The following PDS5A variants were observed in gnomAD, a reference collection of about 807,000 sequenced individuals.
PDS5A encodes the protein PDS5 cohesin associated factor A, also known as sister chromatid cohesion protein PDS5 homolog A.
A neutral mutation model predicts 167.1 loss-of-function variants in PDS5A; 42 were observed. The observed-to-expected ratio is 0.25, with a 90% CI of 0.20 to 0.33. The LOEUF (loss-of-function observed/expected upper bound fraction) is 0.33, where lower values mean the gene tolerates loss of function less well. Ranked by LOEUF, PDS5A falls within the 10% of genes least tolerant of loss-of-function variation. The pLI is 1.00. For synonymous variants in PDS5A, 553 were observed against 554.6 expected, an observed-to-expected ratio of 1.00 and a Z score of 0.04; for missense variants, 1,033 against 1,605.9, an observed-to-expected ratio of 0.64 and a Z score of 6.10.
chr4:39,867,420 T>C (rs1719560922), intron 22 of PDS5A, among the ~76,000 whole-genome samples: 9 of 151,606 alleles, frequency 5.9e-5, no homozygotes. Flanking sequence ...AGGCCGGGGG[T>C]GGTGACTCAC....
chr4:39,976,666 CCT>C (rs1233352828), intron 1 of PDS5A, 49 bp from the exon 2 acceptor site: 2 of 951,624 alleles, frequency 2.1e-6, no homozygotes, highest in African/African-American at 3.3e-5. Flanking sequence ...GACTTTGTAA[CCT>C]CTTTTTTCAT....
chr4:39,953,497 A>T (rs1397654625), intron 2 of PDS5A, among the ~76,000 whole-genome samples: 1 of 151,360 alleles, frequency 6.6e-6, no homozygotes, highest in Non-Finnish European at 1.5e-5. Context: ...TTGGGAGGCT[A>T]AGATGGGAGG....
At chr4:39,921,889 T>C (rs978357654) in intron 6 of PDS5A, among the ~76,000 whole-genome samples, 6 of 152,366 alleles carry the variant, frequency 3.9e-5, no homozygotes, top group African/African-American at 1.4e-4. Context: ...TTTGAATTAA[T>C]AAAATGTAAA....
chr4:39,906,917 TAAA>T lies in PDS5A; in HGVS notation c.1233+1475_1233+1477del, dbSNP rs1191690836. On this transcript the variant is annotated intron_variant, in intron 11 of 32. Coordinates refer to ENST00000303538, the MANE Select transcript of PDS5A (RefSeq NM_001100399.2). The stretch of plus-strand genomic sequence containing the variant: ...CAAAAGCCTTTTGAGATTTCTTACA[TAAA>T]AAAAAAAAAAAAAAAAAAAAAAACA... Among the ~76,000 whole-genome samples the T allele has an allele frequency of 2.7e-3, 147 of 54,004 alleles. 1 individual carries two copies. Among genetic ancestry groups the T allele is most frequent in the African/African-American group, 8.1e-3 (132 of 16,200 alleles). The allele number at this position is 54,004 out of a possible 152,430, so 35.4% of individuals were successfully genotyped here.
rs889678766 is a variant in PDS5A, at chr4:39,973,044, T to G, written c.138+3396A>C. 8 of 571,124 alleles carry G rather than the reference T, an allele frequency of 1.4e-5. No individual in the cohort carries two copies. The African/African-American group carries it at 1.6e-4, about 12-fold the overall frequency. 35.4% of individuals were successfully genotyped at this position (571,124 alleles called of 1,614,324 possible). A position where few individuals can be genotyped will look rare whatever the true frequency, so the allele number is the denominator to read the frequency against. Reference sequence around the variant, plus strand: ...TAAATTTATTTTATATTTTGCAATTTTTTTTTCCATATTTAAGTTTTTCGA... The same window carrying G: ...TAAATTTATTTTATATTTTGCAATTGTTTTTTCCATATTTAAGTTTTTCGA... On this transcript the variant is annotated intron_variant, in intron 2 of 32. Coordinates refer to ENST00000303538, the MANE Select transcript of PDS5A (RefSeq NM_001100399.2).
At chr4:39,958,605 CT>C (rs142278384) in intron 2 of PDS5A, among the ~76,000 whole-genome samples, 92,064 of 147,322 alleles carry the variant, frequency 0.62, 29,484 homozygotes, top group Middle Eastern at 0.8. Flanking sequence ...CATTTCTTGT[CT>C]TTTTTTTTTT....
intron 31 of PDS5A, among the ~76,000 whole-genome samples, chr4:39,840,337 G>A (rs533005538): frequency 9.2e-5 from 14 of 152,268 alleles, no homozygotes; most frequent in African/African-American, 3.1e-4. Context: ...GGGCGGTATC[G>A]TTTAAAGATC....
chr4:39,974,237 T>A (rs533448536), intron 2 of PDS5A: 1 of 560,844 alleles, frequency 1.8e-6, no homozygotes, highest in Non-Finnish European at 3.6e-6. Flanking sequence ...ATATGCCAGG[T>A]GCTATCCCCA....
intron 2 of PDS5A, among the ~76,000 whole-genome samples, chr4:39,972,224 A>G (rs1308727475): frequency 2.0e-5 from 3 of 152,200 alleles, no homozygotes; most frequent in African/African-American, 7.2e-5. Context: ...TAAAAAAATA[A>G]TATTGAGACA....
chr4:39,835,111 T>C (rs1716272680), intron 32 of PDS5A, among the ~76,000 whole-genome samples: 1 of 152,142 alleles, frequency 6.6e-6, no homozygotes, highest in Admixed American at 6.5e-5. Context: ...GCTAATTTTT[T>C]GTATTTTCAG....
At chr4:39,943,173 C>G (rs909831393) in intron 2 of PDS5A, among the ~76,000 whole-genome samples, 1 of 147,130 alleles carries the variant, frequency 6.8e-6, no homozygotes, top group African/African-American at 2.5e-5. Flanking sequence ...CACACACGCA[C>G]GCACACATAT....
At chr4:39,904,310 C>T in intron 11 of PDS5A, 119 bp from the exon 12 acceptor site, 1 of 518,308 alleles carries the variant, frequency 1.9e-6, no homozygotes, top group Non-Finnish European at 3.2e-6. Context: ...AACTGGCACA[C>T]TATTTCTCTT....
intron 2 of PDS5A, among the ~76,000 whole-genome samples, chr4:39,938,965 T>C (rs1387201412): frequency 6.7e-6 from 1 of 150,080 alleles, no homozygotes; most frequent in East Asian, 1.9e-4. Context: ...CGAGACTCCA[T>C]CTAAAAAAAA....
intron 21 of PDS5A, chr4:39,872,738 A>C (rs912952194): frequency 7.4e-6 from 2 of 271,458 alleles, no homozygotes; most frequent in African/African-American, 4.4e-5. Context: ...GCTTTTACTT[A>C]TATGTAACTT....
chr4:39,927,932 TACA>T (rs767945211), intron 3 of PDS5A, 26 bp downstream of exon 3: 2 of 1,499,634 alleles, frequency 1.3e-6, no homozygotes, highest in Admixed American at 3.4e-5. Context: ...GAATGAAAAA[TACA>T]ATAAAGTGAA....
At chr4:39,879,877 A>G (rs551423571) in intron 17 of PDS5A, 44 bp from the exon 18 acceptor site, 3 of 1,056,938 alleles carry the variant, frequency 2.8e-6, no homozygotes, top group Non-Finnish European at 4.4e-6. Context: ...CTGTAGTAGT[A>G]ACTATATCCT....
chr4:39,836,613 C>CTT (rs1299199760), intron 32 of PDS5A, among the ~76,000 whole-genome samples: 3 of 78,678 alleles, frequency 3.8e-5, no homozygotes, highest in Non-Finnish European at 5.2e-5. Context: ...GGATTTTTTT[C>CTT]TATTTTTTTT....
Position 39,823,789 on chromosome 4 carries a change from C to T in PDS5A, c.*1696G>A, listed in dbSNP as rs1715046433. On this transcript the variant is annotated 3_prime_UTR_variant, in exon 33 of 33. Transcript: ENST00000303538. ...TTGGTATCCATTGTTCCCTAAGCAT[C>T]TTCTGATACCTAAATGTGTGTAAAT... 6.6e-6 allele frequency: 1 copy of T among 152,624 alleles called. No homozygotes were observed. The highest frequency in any genetic ancestry group is 2.4e-5 in the African/African-American group (1 of 41,440). 9.5% of individuals were successfully genotyped at this position (152,624 alleles called of 1,614,324 possible).
chr4:39,897,156 G>A (rs1722486712), intron 16 of PDS5A, among the ~76,000 whole-genome samples: 2 of 152,142 alleles, frequency 1.3e-5, no homozygotes, highest in African/African-American at 4.8e-5. Context: ...CACTTTGGGA[G>A]GCCGAGGTGG....
Sources: gnomAD v4.1 joint callset for allele counts (sites outside exome capture counted in the v4.1 genomes callset) on GRCh38, gnomAD v4.1.1 for gene constraint, MANE v1.5 for transcripts, NCBI Gene and HGNC (gene_info 2026-07-23, HGNC 2026-07-21) for gene names.